Variants in MYO18B observed in about 807,000 individuals in gnomAD.
MYO18B encodes unconventional myosin-XVIIIb.
MYO18B carries 204 observed loss-of-function variants against 273.0 expected under a neutral mutation model. The ratio of observed to expected loss-of-function variants is 0.75; its 90% CI spans 0.67 to 0.84. The LOEUF (loss-of-function observed/expected upper bound fraction) is 0.84. MYO18B is among the 40% of genes least tolerant of loss of function. The pLI is 0.00. For missense variants in MYO18B, 3,212 were observed against 3,287.6 expected (o/e 0.98, Z 0.56); for synonymous variants, 1,330 against 1,305.7 (o/e 1.02, Z -0.40).
chr22:25,742,957 T>C (rs994913432), intron 1 of MYO18B, among the ~76,000 whole-genome samples: 1 of 152,158 alleles, frequency 6.6e-6, no homozygotes, highest in African/African-American at 2.4e-5. Context: ...GGCCCCATAG[T>C]GGGGCAGAAG....
intron 1 of MYO18B, among the ~76,000 whole-genome samples, chr22:25,754,360 C>T (rs1452589493): frequency 6.6e-6 from 1 of 152,050 alleles, no homozygotes; most frequent in East Asian, 1.9e-4. Context: ...AAGGGAGGGT[C>T]GCTAGGACAG....
At chr22:25,776,629 C>T (rs1245374015) in intron 7 of MYO18B, among the ~76,000 whole-genome samples, 1 of 151,582 alleles carries the variant, frequency 6.6e-6, no homozygotes, top group Non-Finnish European at 1.5e-5. Flanking sequence ...AACAAAAAAA[C>T]AACAGGTTGG....
In MYO18B at chr22:25,898,406, G is replaced by C. The variant is rs372589915; in HGVS notation, c.4768G>C (p.Val1590Leu). The stretch of plus-strand genomic sequence containing the variant: ...TACCTGTGACCTTGAGGATACCTGC[G>C]TCCTGCTAGAGAACCAACAAAGTCG... ...HLTCDLEDTC[V>L]LLENQQSRNH... The change falls in exon 29 of 44, where the codon GTC becomes CTC. Residue 1590 changes from valine to leucine, a missense_variant. Coordinates refer to ENST00000335473, the MANE Select transcript of MYO18B (RefSeq NM_032608.7). The C allele has an allele frequency of 4.3e-6, 7 of 1,613,916 alleles. No homozygotes were observed. The South Asian group carries it at 7.7e-5, about 18-fold the overall frequency.
intron 11 of MYO18B, among the ~76,000 whole-genome samples, chr22:25,787,731 A>C (rs543854873): frequency 4.6e-5 from 7 of 152,210 alleles, no homozygotes; most frequent in African/African-American, 1.4e-4. Flanking sequence ...TTGCTAAACC[A>C]AATACTAGGG....
intron 34 of MYO18B, among the ~76,000 whole-genome samples, chr22:25,941,397 G>A (rs372718481): frequency 2.0e-5 from 3 of 152,104 alleles, no homozygotes; most frequent in South Asian, 2.1e-4. Context: ...CTTCCCTGTC[G>A]CCTGTCAACC....
intron 13 of MYO18B, among the ~76,000 whole-genome samples, chr22:25,824,742 A>G (rs2089424050): frequency 1.3e-5 from 2 of 151,746 alleles, no homozygotes; most frequent in African/African-American, 4.8e-5. Context: ...TCTGGTGTGA[A>G]CTGTGGTTTT....
At chr22:25,940,717 AC>A (rs1331870069) in intron 34 of MYO18B, among the ~76,000 whole-genome samples, 4 of 152,094 alleles carry the variant, frequency 2.6e-5, no homozygotes, top group Non-Finnish European at 1.5e-5. Context: ...ATCTCATCTT[AC>A]CCCTGTGAAC....
chr22:25,772,589 AC>A, intron 7 of MYO18B, 79 bp downstream of exon 7: 1 of 1,400,534 alleles, frequency 7.1e-7, no homozygotes, highest in Non-Finnish European at 9.6e-7. Flanking sequence ...ATCTGAGGTG[AC>A]AGTAGAACCA....
chr22:25,879,469 C>G (rs1208690879), intron 25 of MYO18B, among the ~76,000 whole-genome samples: 1 of 152,064 alleles, frequency 6.6e-6, no homozygotes, highest in African/African-American at 2.4e-5. Flanking sequence ...GTAGGGGTTA[C>G]CTGGGGTACG....
intron 39 of MYO18B, among the ~76,000 whole-genome samples, chr22:25,985,445 G>C (rs1249372721): frequency 1.3e-5 from 2 of 152,142 alleles, no homozygotes; most frequent in African/African-American, 2.4e-5. Flanking sequence ...GGACCCTGTA[G>C]AATGATGACC....
At chr22:25,766,542 G>A (rs1467995260) in intron 3 of MYO18B, among the ~76,000 whole-genome samples, 1 of 152,124 alleles carries the variant, frequency 6.6e-6, no homozygotes, top group Non-Finnish European at 1.5e-5. Flanking sequence ...TTCTGATTGA[G>A]GTCTTCAGGC....
chr22:25,895,486 T>C, intron 28 of MYO18B: 1 of 547,790 alleles, frequency 1.8e-6, no homozygotes, highest in Non-Finnish European at 3.2e-6. Flanking sequence ...GGATCTTCTA[T>C]CCAGAGACTG....
At chr22:25,750,560 T>C (rs2085903267) in intron 1 of MYO18B, among the ~76,000 whole-genome samples, 2 of 152,172 alleles carry the variant, frequency 1.3e-5, no homozygotes, top group African/African-American at 4.8e-5. Flanking sequence ...ATGCTGGTGT[T>C]CTCACTGGCC....
chr22:26,062,689 C>T, the MYO18B span, among the ~76,000 whole-genome samples: 1 of 152,108 alleles, frequency 6.6e-6, no homozygotes, highest in Non-Finnish European at 1.5e-5. Context: ...ATATGCCTGG[C>T]TAATAGATGG....
At chr22:25,827,188 A>G (rs976803116) in intron 14 of MYO18B, among the ~76,000 whole-genome samples, 2 of 152,214 alleles carry the variant, frequency 1.3e-5, no homozygotes, top group Admixed American at 1.3e-4. Context: ...GCTTTGCATC[A>G]TTGAATACTC....
chr22:25,916,329 C>T (rs996100372), intron 33 of MYO18B, among the ~76,000 whole-genome samples: 3 of 151,872 alleles, frequency 2.0e-5, no homozygotes, highest in African/African-American at 4.8e-5. Context: ...AGTGTCTGAC[C>T]TTATGTTTGT....
chr22:26,046,449 G>A, the MYO18B span, among the ~76,000 whole-genome samples: 821 of 152,324 alleles, frequency 5.4e-3, 10 homozygotes, highest in African/African-American at 0.019. Flanking sequence ...CACCTCCCAA[G>A]TATTTCCCTT....
At chr22:26,041,974 G>A in the MYO18B span, among the ~76,000 whole-genome samples, 12 of 152,282 alleles carry the variant, frequency 7.9e-5, no homozygotes, top group South Asian at 2.1e-4. Flanking sequence ...AAGAAATAGC[G>A]ACTATCTGCA....
intron 12 of MYO18B, among the ~76,000 whole-genome samples, chr22:25,822,776 G>A (rs1224836936): frequency 6.6e-6 from 1 of 152,224 alleles, no homozygotes; most frequent in East Asian, 1.9e-4. Context: ...AACTTTAAGG[G>A]GTCCGCATGA....
Sources: allele counts gnomAD v4.1 joint callset (sites outside exome capture counted in the v4.1 genomes callset), GRCh38; gene constraint gnomAD v4.1.1; transcripts MANE v1.5; gene names NCBI Gene and HGNC (gene_info 2026-07-23, HGNC 2026-07-21).